Variants in LRRC8C observed in about 807,000 individuals in gnomAD.
LRRC8C encodes volume-regulated anion channel subunit LRRC8C.
Under a neutral mutation model 55.3 loss-of-function variants are expected in LRRC8C, and 20 were observed. The ratio of observed to expected loss-of-function variants is 0.36; its 90% CI spans 0.25 to 0.53. LRRC8C has a LOEUF of 0.53. Ranked by LOEUF, LRRC8C falls within the 20% of genes least tolerant of loss-of-function variation. The probability of loss-of-function intolerance (pLI) is 0.92; values close to 1 mark genes in which losing one functional copy is unlikely to be tolerated. For missense variants in LRRC8C, 659 were observed against 951.4 expected (o/e 0.69, Z 4.04); for synonymous variants, 376 against 360.7 (o/e 1.04, Z -0.48).
intron 2 of LRRC8C, among the ~76,000 whole-genome samples, chr1:89,709,201 G>A (rs1254956745): frequency 6.6e-6 from 1 of 152,212 alleles, no homozygotes; most frequent in Non-Finnish European, 1.5e-5. Flanking sequence ...AATGTGGGGA[G>A]TGGTGGAAGA....
At chr1:89,645,297 A>G (rs1656578628) in intron 1 of LRRC8C, among the ~76,000 whole-genome samples, 1 of 152,204 alleles carries the variant, frequency 6.6e-6, no homozygotes. Flanking sequence ...GAATTTGAAC[A>G]TGTATTGATA....
chr1:89,694,853 G>C (rs1245346233), intron 2 of LRRC8C, among the ~76,000 whole-genome samples: 1 of 150,674 alleles, frequency 6.6e-6, no homozygotes, highest in Non-Finnish European at 1.5e-5. Flanking sequence ...CTCCCAAAGT[G>C]CTGGGAGCCC....
At chr1:89,616,324 T>C in the LRRC8C span, among the ~76,000 whole-genome samples, 6 of 152,086 alleles carry the variant, frequency 3.9e-5, no homozygotes, top group Non-Finnish European at 8.8e-5. Flanking sequence ...GCTAGAAGGG[T>C]CACTTCTGGC....
Position 89,714,946 on chromosome 1 carries a change from G to A in LRRC8C, c.2376G>A (p.Leu792=), listed in dbSNP as rs904023887. ...LVVEDALFET[L]PSDVREQMKT... is the part of the protein sequence containing the mutation. ...TAGAAGATGCTCTGTTTGAAACTCTGCCTTCTGACGTCCGGGAGCAAATGA... is the reference window on the plus strand; with the variant it reads ...TAGAAGATGCTCTGTTTGAAACTCTACCTTCTGACGTCCGGGAGCAAATGA... Residue 792 remains leucine, a synonymous_variant, in exon 3 of 3, where the codon CTG becomes CTA. Transcript: ENST00000370454. The surrounding 1 kb of genome is among the most constrained non-coding windows in gnomAD (Gnocchi z 4.6). 5 of 1,589,196 alleles carry A rather than the reference G, an allele frequency of 3.1e-6. No homozygotes were observed. Among genetic ancestry groups the A allele is most frequent in the Non-Finnish European group, 3.4e-6 (4 of 1,171,528 alleles).
chr1:89,632,340 G>A (rs1419869778), upstream of LRRC8C: 1 of 152,262 alleles, frequency 6.6e-6, no homozygotes, highest in African/African-American at 2.4e-5. Flanking sequence ...TTATGCGGGA[G>A]CTGTAGGCGG....
chr1:89,667,663 C>G (rs1304926829), intron 1 of LRRC8C, among the ~76,000 whole-genome samples: 2 of 152,154 alleles, frequency 1.3e-5, no homozygotes, highest in African/African-American at 4.8e-5. Context: ...AGCCTTGGAA[C>G]TCAGGTTGCT....
chr1:89,623,491 A>T, the LRRC8C span, among the ~76,000 whole-genome samples: 1 of 152,118 alleles, frequency 6.6e-6, no homozygotes, highest in African/African-American at 2.4e-5. Context: ...GGGAGGCTGA[A>T]GTGGGCAGAT....
At position 89,719,394 on chromosome 1, in the gene LRRC8C, C is replaced by T. The variant is rs1658910333; in HGVS notation, c.*4412C>T. 6.6e-6 allele frequency: 1 copy of T among 152,106 alleles called. No homozygotes were observed. The highest frequency in any genetic ancestry group is 1.5e-5 in the Non-Finnish European group (1 of 68,006). 9.4% of individuals were successfully genotyped at this position (152,106 alleles called of 1,614,324 possible). A position where few individuals can be genotyped will look rare whatever the true frequency, so the allele number is the denominator to read the frequency against. ...ACTCTGTCTGTATGTATGTCAAAAG[C>T]TGGCAAAACCTCTAAAACTGTCAAG... is the stretch of plus-strand genomic sequence containing the variant. On this transcript the variant is annotated 3_prime_UTR_variant, in exon 3 of 3. Coordinates refer to ENST00000370454, the MANE Select transcript of LRRC8C (RefSeq NM_032270.5).
chr1:89,619,382 GTT>G, the LRRC8C span, among the ~76,000 whole-genome samples: 62 of 150,512 alleles, frequency 4.1e-4, no homozygotes, highest in Non-Finnish European at 1.8e-4. Context: ...AGTTATATTA[GTT>G]TTATATTTAT....
At position 89,714,454 on chromosome 1, in the gene LRRC8C, A is replaced by G. The variant is rs776701630; in HGVS notation, c.1884A>G (p.Glu628=). ...DLKENNLKSI[E]EIVSFQHLRK... ...AGGAAAACAATCTGAAATCTATAGA[A>G]GAAATCGTTAGCTTTCAGCACTTAA... Residue 628 remains glutamate (E), a synonymous_variant, in exon 3 of 3, where the codon GAA becomes GAG. Coordinates refer to ENST00000370454, the MANE Select transcript of LRRC8C (RefSeq NM_032270.5). The surrounding 1 kb of genome is among the most constrained non-coding windows in gnomAD (Gnocchi z 4.6). 19 of 1,614,110 alleles carry G rather than the reference A, an allele frequency of 1.2e-5. No individual in the cohort carries two copies. The highest frequency in any genetic ancestry group is 1.4e-5 in the Non-Finnish European group (17 of 1,180,046).
At chr1:89,689,705 C>A (rs1657976944) in intron 2 of LRRC8C, among the ~76,000 whole-genome samples, 1 of 152,112 alleles carries the variant, frequency 6.6e-6, no homozygotes, top group Non-Finnish European at 1.5e-5. Flanking sequence ...CTTTGGGAGA[C>A]CGAGGTGGGT....
intron 1 of LRRC8C, among the ~76,000 whole-genome samples, chr1:89,665,884 T>A (rs1293870520): frequency 6.6e-6 from 1 of 152,194 alleles, no homozygotes; most frequent in East Asian, 1.9e-4. Flanking sequence ...CTATTTTTAA[T>A]CTTTTATACA....
In LRRC8C at chr1:89,712,760, A is replaced by G. The variant is rs1272296853; in HGVS notation, c.190A>G (p.Asn64Asp). The change falls in exon 3 of 3, where the codon AAC (asparagine) becomes GAC (aspartate). Residue 64 changes from asparagine to aspartate, a missense_variant. Physicochemically the swap from Asn to Asp is conservative, Grantham distance 23 (BLOSUM62 1). Transcript: ENST00000370454. ...CLPKRVQPAQ[N>D]HSSLSNVSQA... ...TCCGAAAAGAGTGCAGCCTGCTCAG[A>G]ACCACTCTTCCCTTTCGAATGTCTC... The G allele has an allele frequency of 6.2e-7, 1 of 1,614,120 alleles. No homozygotes were observed. Among genetic ancestry groups the G allele is most frequent in the Admixed American group, 1.7e-5 (1 of 60,014 alleles).
intron 1 of LRRC8C, among the ~76,000 whole-genome samples, chr1:89,679,019 A>G (rs1029445640): frequency 5.3e-5 from 8 of 152,170 alleles, no homozygotes; most frequent in African/African-American, 1.7e-4. Flanking sequence ...TGAAGCGTCA[A>G]GTATAGTTGG....
chr1:89,675,479 A>T (rs921652065), intron 1 of LRRC8C, among the ~76,000 whole-genome samples: 1 of 152,192 alleles, frequency 6.6e-6, no homozygotes, highest in Non-Finnish European at 1.5e-5. Context: ...CTGTGTGTTC[A>T]TGGTGTGCCT....
At position 89,717,756 on chromosome 1, in the gene LRRC8C, A is replaced by T. The variant is rs966645493; in HGVS notation, c.*2774A>T. On this transcript the variant is annotated 3_prime_UTR_variant, in exon 3 of 3. Coordinates refer to ENST00000370454, the MANE Select transcript of LRRC8C (RefSeq NM_032270.5). ...TGACTTTTCTAAAGTTCTTTAACTGATCAATTCTGTATAGAGGGATATTTA... is the reference window on the plus strand; with the variant it reads ...TGACTTTTCTAAAGTTCTTTAACTGTTCAATTCTGTATAGAGGGATATTTA... 7 of 152,174 alleles carry T rather than the reference A, an allele frequency of 4.6e-5. No homozygotes were observed. Among genetic ancestry groups the T allele is most frequent in the African/African-American group, 1.7e-4 (7 of 41,444 alleles). 9.4% of individuals were successfully genotyped at this position (152,174 alleles called of 1,614,324 possible). A position where few individuals can be genotyped will look rare whatever the true frequency, so the allele number is the denominator to read the frequency against.
intron 1 of LRRC8C, among the ~76,000 whole-genome samples, chr1:89,634,389 G>A (rs192665458): frequency 6.6e-6 from 1 of 152,296 alleles, no homozygotes; most frequent in Admixed American, 6.5e-5. Context: ...TTGAAGGAAG[G>A]AATAGGTAAA....
intron 1 of LRRC8C, among the ~76,000 whole-genome samples, chr1:89,684,560 A>G (rs1657817451): frequency 6.6e-6 from 1 of 152,218 alleles, no homozygotes; most frequent in Admixed American, 6.5e-5. Flanking sequence ...GGAAGTCAAG[A>G]TGAATTTGTG....
chr1:89,714,642 C>T lies in LRRC8C; in HGVS notation c.2072C>T (p.Ser691Leu), dbSNP rs772047021. The T allele has an allele frequency of 4.3e-6, 7 of 1,614,110 alleles. No individual in the cohort carries two copies. The highest frequency in any genetic ancestry group is 5.9e-6 in the Non-Finnish European group (7 of 1,179,994). ...LCNKIRYLDL[S>L]YNDIRFIPPE... ...AACAAGATCCGATACTTGGACTTAT[C>T]GTACAATGACATTCGATTTATCCCC... is the stretch of plus-strand genomic sequence containing the variant. Residue 691 changes from serine to leucine, a missense_variant, in exon 3 of 3, where the codon TCG becomes TTG. Around this residue, in one of 5 missense-constraint regions of LRRC8C, gnomAD observed 344 missense variants for 464.6 expected, o/e 0.74. Coordinates refer to ENST00000370454, the MANE Select transcript of LRRC8C (RefSeq NM_032270.5). The surrounding 1 kb of genome is among the most constrained non-coding windows in gnomAD (Gnocchi z 4.6).
Sources: gnomAD v4.1 joint callset for allele counts (sites outside exome capture counted in the v4.1 genomes callset) on GRCh38, gnomAD v4.1.1 for gene constraint, gnomAD v4.1.1 regional missense constraint, Gnocchi (gnomAD v3.1) non-coding constraint, MANE v1.5 for transcripts, NCBI Gene and HGNC (gene_info 2026-07-23, HGNC 2026-07-21) for gene names.